Variants in LCORL observed in about 807,000 individuals in gnomAD.
LCORL encodes ligand dependent nuclear receptor corepressor like.
A neutral mutation model predicts 141.8 loss-of-function variants in LCORL; 41 were observed. The observed-to-expected ratio is 0.29, with a 90% confidence interval of 0.23 to 0.38. The LOEUF (loss-of-function observed/expected upper bound fraction) is 0.38, where lower values mean the gene tolerates loss of function less well. Ranked by LOEUF, LCORL falls within the 10% of genes least tolerant of loss-of-function variation. LCORL has a pLI of 1.00. For missense variants in LCORL, 1,759 were observed against 2,035.0 expected, an observed-to-expected ratio of 0.86 and a Z score of 2.61; for synonymous variants, 618 against 694.1, an observed-to-expected ratio of 0.89 and a Z score of 1.72.
chr4:18,015,365 C>T (rs1034081699), intron 1 of LCORL, among the ~76,000 whole-genome samples: 3 of 152,190 alleles, frequency 2.0e-5, no homozygotes, highest in Non-Finnish European at 2.9e-5. Context: ...TAAAATTACA[C>T]ACTGCTTGGT....
chr4:17,917,535 T>C (rs944912701), intron 4 of LCORL, among the ~76,000 whole-genome samples: 1 of 152,264 alleles, frequency 6.6e-6, no homozygotes, highest in East Asian at 1.9e-4. Context: ...TAATGCAGAC[T>C]GTTAAACAAA....
chr4:18,004,703 A>G (rs1560472558), intron 1 of LCORL, among the ~76,000 whole-genome samples: 1 of 152,178 alleles, frequency 6.6e-6, no homozygotes, highest in African/African-American at 2.4e-5. Flanking sequence ...GTCCCCCCGC[A>G]AAGTCATAAC....
intron 1 of LCORL, among the ~76,000 whole-genome samples, chr4:18,016,412 A>G (rs1042590208): frequency 6.6e-6 from 1 of 152,144 alleles, no homozygotes; most frequent in African/African-American, 2.4e-5. Context: ...AAAATAAAAG[A>G]TTTGAGGAAA....
At chr4:17,925,160 C>T (rs1239134510) in intron 4 of LCORL, among the ~76,000 whole-genome samples, 5 of 152,138 alleles carry the variant, frequency 3.3e-5, no homozygotes, top group Admixed American at 2.6e-4. Flanking sequence ...CTTTGGGATC[C>T]CCCTACCTCT....
chr4:17,874,329 T>C (rs1726693712), exon 7 of LCORL: 1 of 1,233,868 alleles, frequency 8.1e-7, no homozygotes, highest in Admixed American at 4.2e-5. Flanking sequence ...TTTAAAGTGC[T>C]TTCTGAAGGG....
At chr4:17,886,485 T>A (rs1193446924) in intron 5 of LCORL, among the ~76,000 whole-genome samples, 1 of 152,040 alleles carries the variant, frequency 6.6e-6, no homozygotes, top group Non-Finnish European at 1.5e-5. Context: ...TCATGACTGT[T>A]TTCCATTCAA....
chr4:18,009,635 C>T (rs1723373163), intron 1 of LCORL, among the ~76,000 whole-genome samples: 1 of 152,062 alleles, frequency 6.6e-6, no homozygotes, highest in Non-Finnish European at 1.5e-5. Flanking sequence ...CACTCCCTAC[C>T]CCCTGGTATC....
intron 7 of LCORL, among the ~76,000 whole-genome samples, chr4:17,850,218 T>C (rs1207150764): frequency 3.5e-5 from 5 of 141,644 alleles, no homozygotes; most frequent in African/African-American, 8.1e-5. Flanking sequence ...GACATAGGCA[T>C]GGGCAAGGAC....
intron 5 of LCORL, among the ~76,000 whole-genome samples, chr4:17,889,740 G>C (rs1342235975): frequency 6.6e-6 from 1 of 151,892 alleles, no homozygotes; most frequent in Non-Finnish European, 1.5e-5. Flanking sequence ...GGAATGGTGG[G>C]GGTGGGGGAA....
chr4:17,989,300 T>C (rs1292892620), intron 1 of LCORL, among the ~76,000 whole-genome samples: 1 of 152,258 alleles, frequency 6.6e-6, no homozygotes, highest in Non-Finnish European at 1.5e-5. Flanking sequence ...ATACTATACT[T>C]GTCATAGATT....
At chr4:17,993,019 A>T (rs1054475633) in intron 1 of LCORL, among the ~76,000 whole-genome samples, 3 of 152,194 alleles carry the variant, frequency 2.0e-5, no homozygotes, top group African/African-American at 7.2e-5. Flanking sequence ...AGTAAATGTT[A>T]GCTAGGCAAA....
In LCORL at chr4:17,917,864, T is replaced by A. The variant is rs930727277; in HGVS notation, c.431-8519A>T. 3.3e-5 allele frequency among the ~76,000 whole-genome samples: 5 copies of A among 152,306 alleles called. No homozygotes were observed. In the East Asian group the frequency reaches 9.6e-4, roughly 29 times the overall value. The stretch of plus-strand genomic sequence containing the variant: ...CAGCTGAATCTCAAAATCAACTGAA[T>A]CTCAGTAAGTACAGCAAGCTATCAT... On this transcript the variant is annotated intron_variant, in intron 4 of 7. Coordinates refer to ENST00000635767, the Ensembl canonical transcript of LCORL.
intron 4 of LCORL, chr4:17,911,555 T>C (rs980698597): frequency 1.4e-4 from 35 of 250,570 alleles, no homozygotes; most frequent in African/African-American, 7.9e-4. Flanking sequence ...GTAAAATCAC[T>C]GGTAATTTTG....
intron 4 of LCORL, among the ~76,000 whole-genome samples, chr4:17,947,743 A>G (rs1324691115): frequency 6.6e-6 from 1 of 151,978 alleles, no homozygotes; most frequent in Non-Finnish European, 1.5e-5. Context: ...CAGTATCACC[A>G]TCTGTATAGA....
chr4:17,875,780 A>G, exon 7 of LCORL: 1 of 1,231,222 alleles, frequency 8.1e-7, no homozygotes, highest in Non-Finnish European at 1.0e-6. Context: ...AAGATGGATC[A>G]GTAGCACTGC....
intron 5 of LCORL, among the ~76,000 whole-genome samples, chr4:17,904,593 C>T (rs150271305): frequency 3.9e-5 from 6 of 151,996 alleles, no homozygotes; most frequent in African/African-American, 1.4e-4. Context: ...GGTAGGGATC[C>T]GCCCCTTATC....
chr4:17,923,224 A>C (rs1734577238), intron 4 of LCORL, among the ~76,000 whole-genome samples: 1 of 152,228 alleles, frequency 6.6e-6, no homozygotes, highest in South Asian at 2.1e-4. Flanking sequence ...AAGAAACATA[A>C]AGTTGGATCA....
rs1352040067 is a variant in LCORL, at chr4:17,945,407, T to TG, written c.430+16495dup. 8.4e-4 allele frequency among the ~76,000 whole-genome samples: 124 copies of TG among 148,290 alleles called. 1 individual carries two copies. Among genetic ancestry groups the TG allele is most frequent in the African/African-American group, 3.0e-3 (113 of 37,928 alleles). On this transcript the variant is annotated intron_variant, in intron 4 of 7. Coordinates refer to ENST00000635767, the Ensembl canonical transcript of LCORL. Reference sequence around the variant, plus strand: ...TTCAGACACTGACTGGCTTATAAATTGGGGTTTTTTTTTTTACACTAGAAT... The same window carrying TG: ...TTCAGACACTGACTGGCTTATAAATTGGGGGTTTTTTTTTTTACACTAGAAT...
intron 4 of LCORL, among the ~76,000 whole-genome samples, chr4:17,935,002 C>A (rs1490514441): frequency 6.6e-6 from 1 of 152,086 alleles, no homozygotes; most frequent in African/African-American, 2.4e-5. Flanking sequence ...AACTGACATA[C>A]TCAATATGTA....
Sources: allele counts gnomAD v4.1 joint callset (sites outside exome capture counted in the v4.1 genomes callset), GRCh38; gene constraint gnomAD v4.1.1; transcripts MANE v1.5; gene names NCBI Gene and HGNC (gene_info 2026-07-23, HGNC 2026-07-21).